Variants in PALM2AKAP2 observed in about 807,000 individuals in gnomAD.
PALM2AKAP2 encodes PALM2 and AKAP2 fusion.
A neutral mutation model predicts 71.5 loss-of-function variants in PALM2AKAP2; 37 were observed. The ratio of observed to expected loss-of-function variants is 0.52; its 90% CI spans 0.40 to 0.68. The LOEUF is 0.68. Ranked by LOEUF, PALM2AKAP2 falls within the 30% of genes least tolerant of loss-of-function variation. The pLI is 0.00. For missense variants in PALM2AKAP2, 1,224 were observed against 1,191.8 expected, an observed-to-expected ratio of 1.03 and a Z score of -0.40; for synonymous variants, 468 against 478.8, an observed-to-expected ratio of 0.98 and a Z score of 0.29.
chr9:109,907,312 C>T (rs1354446342), intron 3 of PALM2AKAP2, among the ~76,000 whole-genome samples: 1 of 152,236 alleles, frequency 6.6e-6, no homozygotes, highest in African/African-American at 2.4e-5. Context: ...TAGCCCAACA[C>T]TTGCTTGATA....
intron 3 of PALM2AKAP2, among the ~76,000 whole-genome samples, chr9:109,920,761 C>A (rs749807736): frequency 6.6e-6 from 1 of 151,936 alleles, no homozygotes; most frequent in Non-Finnish European, 1.5e-5. Context: ...TCTGCTCAGG[C>A]CAGGTGTGGT....
intron 1 of PALM2AKAP2, among the ~76,000 whole-genome samples, chr9:109,728,620 G>A (rs986485297): frequency 2.6e-5 from 4 of 152,106 alleles, no homozygotes; most frequent in Non-Finnish European, 2.9e-5. Flanking sequence ...ATGTACTCTC[G>A]AGAATTTTAC....
intron 1 of PALM2AKAP2, among the ~76,000 whole-genome samples, chr9:109,858,220 T>C (rs1429547406): frequency 6.6e-6 from 1 of 152,208 alleles, no homozygotes; most frequent in Non-Finnish European, 1.5e-5. Context: ...GCCTCAGTTT[T>C]CTCCTCTGTA....
At chr9:110,172,104 T>A (rs1047032983) in exon 4 of PALM2AKAP2, 14 of 152,798 alleles carry the variant, frequency 9.2e-5, no homozygotes, top group African/African-American at 3.1e-4. Context: ...GTGTTGATTC[T>A]TGTCTCTGAA....
chr9:109,719,437 G>A (rs1232457536), intron 1 of PALM2AKAP2, among the ~76,000 whole-genome samples: 1 of 152,162 alleles, frequency 6.6e-6, no homozygotes, highest in Non-Finnish European at 1.5e-5. Flanking sequence ...GAGATAGTTA[G>A]AGATAAAGAA....
intron 5 of PALM2AKAP2, among the ~76,000 whole-genome samples, chr9:109,928,778 T>C (rs1448107903): frequency 6.6e-6 from 1 of 151,968 alleles, no homozygotes; most frequent in East Asian, 1.9e-4. Context: ...TTCAAGCGAT[T>C]CTCCTGTCTC....
rs563681338 is a variant in PALM2AKAP2 at position 109,898,829 on chromosome 9, A to C, written c.257+18148A>C. ...CCTGCCAAATCACCAGTGACTATTT[A>C]GGGGCTAAGTGCAAAGGAGACTTCT... On this transcript the variant is annotated intron_variant, in intron 3 of 9. Coordinates refer to the PALM2AKAP2 transcript ENST00000302798. 6.4e-4 allele frequency among the ~76,000 whole-genome samples: 97 copies of C among 152,276 alleles called. 1 individual carries two copies. The highest frequency in any genetic ancestry group is 2.4e-3 in the Admixed American group (36 of 15,306).
rs780808786 is a variant in PALM2AKAP2, at chr9:110,136,084, G to A, written c.157-43G>A. The A allele has an allele frequency of 3.6e-5, 55 of 1,518,506 alleles. No individual in the cohort carries two copies. The East Asian group carries it at 1.2e-3, about 34-fold the overall frequency. The allele number at this position is 1,518,506 out of a possible 1,614,324, so 94.1% of individuals were successfully genotyped here. The stretch of plus-strand genomic sequence containing the variant: ...TTTGTCAGCATTCACATCCATAAGA[G>A]ATGCAGTATTTAACCCTGACTTTTG... On this transcript the variant is annotated intron_variant, in intron 1 of 3. Transcript: ENST00000374525.
chr9:109,985,505 A>C (rs1294671495), intron 6 of PALM2AKAP2, among the ~76,000 whole-genome samples: 2 of 151,512 alleles, frequency 1.3e-5, no homozygotes, highest in South Asian at 2.1e-4. Context: ...CTGTAGTCCC[A>C]GCTACTCGGG....
chr9:109,742,579 T>A (rs1320091776), intron 1 of PALM2AKAP2, among the ~76,000 whole-genome samples: 1 of 152,246 alleles, frequency 6.6e-6, no homozygotes, highest in East Asian at 1.9e-4. Flanking sequence ...CTGTGTTCTA[T>A]ATGGCTCCCA....
intron 1 of PALM2AKAP2, among the ~76,000 whole-genome samples, chr9:110,063,577 T>TTACA (rs1834009928): frequency 6.6e-6 from 1 of 151,906 alleles, no homozygotes; most frequent in Non-Finnish European, 1.5e-5. Flanking sequence ...GTAGCTGGGA[T>TTACA]TACAGGTGCC....
At chr9:109,892,617 T>C (rs1482195972) in intron 3 of PALM2AKAP2, among the ~76,000 whole-genome samples, 2 of 152,170 alleles carry the variant, frequency 1.3e-5, no homozygotes, top group Admixed American at 1.3e-4. Context: ...GCCATGAGGT[T>C]CAGAAACCAT....
chr9:109,692,779 G>C (rs981362137), intron 1 of PALM2AKAP2, among the ~76,000 whole-genome samples: 2 of 152,040 alleles, frequency 1.3e-5, no homozygotes, highest in East Asian at 1.9e-4. Flanking sequence ...TGCCTTTGGG[G>C]ATGAACCTCC....
chr9:109,847,403 C>G (rs1036991175), intron 1 of PALM2AKAP2, among the ~76,000 whole-genome samples: 3 of 152,156 alleles, frequency 2.0e-5, no homozygotes, highest in African/African-American at 7.2e-5. Flanking sequence ...ACTGCTTATG[C>G]CTTGGCTTTG....
intron 1 of PALM2AKAP2, among the ~76,000 whole-genome samples, chr9:109,719,659 T>C (rs1828376998): frequency 6.6e-6 from 1 of 152,134 alleles, no homozygotes; most frequent in African/African-American, 2.4e-5. Context: ...AAACACAAGA[T>C]CAATGCTTTC....
chr9:109,780,518 G>T (rs1195806614), exon 1 of PALM2AKAP2: 1 of 1,613,624 alleles, frequency 6.2e-7, no homozygotes, highest in South Asian at 1.1e-5. Context: ...ACAAGGAAAG[G>T]CTGCAAGCCA....
At chr9:109,736,280 T>C (rs1042145351) in intron 1 of PALM2AKAP2, among the ~76,000 whole-genome samples, 1 of 151,546 alleles carries the variant, frequency 6.6e-6, no homozygotes, top group East Asian at 1.9e-4. Flanking sequence ...AAACACACAC[T>C]ATAAAAGTTT....
intron 1 of PALM2AKAP2, among the ~76,000 whole-genome samples, chr9:110,053,389 G>A (rs2132513299): frequency 6.6e-6 from 1 of 152,152 alleles, no homozygotes; most frequent in Admixed American, 6.5e-5. Flanking sequence ...TTAGCCAGGT[G>A]TGGTGGCAGG....
In PALM2AKAP2 at chr9:110,090,207, G is replaced by C. The variant is rs913338835; in HGVS notation, c.156+41352G>C. On this transcript the variant is annotated intron_variant, in intron 1 of 3. Coordinates refer to ENST00000374525, the Ensembl canonical transcript of PALM2AKAP2. ...GGGGCAGCGTCCACCAGGTGTGTGCGGGCAGGTACAGGATGCGAGCTCAGT... is the reference window on the plus strand; with the variant it reads ...GGGGCAGCGTCCACCAGGTGTGTGCCGGCAGGTACAGGATGCGAGCTCAGT... The C allele has an allele frequency of 8.1e-6, 3 of 368,660 alleles. No individual in the cohort carries two copies. In the Admixed American group the frequency reaches 9.4e-5, roughly 12 times the overall value. The allele number at this position is 368,660 out of a possible 1,614,324, so 22.8% of individuals were successfully genotyped here. A position where few individuals can be genotyped will look rare whatever the true frequency, so the allele number is the denominator to read the frequency against.
Sources: allele counts gnomAD v4.1 joint callset (sites outside exome capture counted in the v4.1 genomes callset), GRCh38; gene constraint gnomAD v4.1.1; transcripts MANE v1.5; gene names NCBI Gene and HGNC (gene_info 2026-07-23, HGNC 2026-07-21).